The following ANGPT4 variants were observed in gnomAD, a reference collection of about 807,000 sequenced individuals.
The protein encoded by ANGPT4 is angiopoietin-4.
In ANGPT4, 50 loss-of-function variants were observed where a neutral mutation model predicts 53.0. The observed-to-expected ratio is 0.94, with a 90% CI of 0.75 to 1.20. ANGPT4 has a LOEUF of 1.20. Among genes scored for constraint, ANGPT4 ranks in the 50% most tolerant of loss-of-function variants. ANGPT4 has a pLI of 0.00. For missense variants in ANGPT4, 648 were observed against 637.1 expected, an observed-to-expected ratio of 1.02 and a Z score of -0.18; for synonymous variants, 251 against 259.7, an observed-to-expected ratio of 0.97 and a Z score of 0.32.
rs1158091372 is a variant in ANGPT4 at position 908,572 on chromosome 20, G to T, written c.309+7334C>A. Reference sequence around the variant, plus strand: ...GATCGTTGCACATGGGAAATCACTAGGTTAGTTACACCCACTGCTCCAGGG... The same window carrying T: ...GATCGTTGCACATGGGAAATCACTATGTTAGTTACACCCACTGCTCCAGGG... On this transcript the variant is annotated intron_variant, in intron 1 of 8. Transcript: ENST00000381922. This position sits in a 1 kb window ranked among gnomAD's most constrained non-coding sequence, Gnocchi z 4.9. Among the ~76,000 whole-genome samples the T allele has an allele frequency of 6.6e-6, 1 of 152,140 alleles. No homozygotes were observed. Among genetic ancestry groups the T allele is most frequent in the Non-Finnish European group, 1.5e-5 (1 of 68,016 alleles).
rs1422007146 is a variant in ANGPT4, at chr20:908,595, G to T, written c.309+7311C>A. On this transcript the variant is annotated intron_variant, in intron 1 of 8. Coordinates refer to ENST00000381922, the MANE Select transcript of ANGPT4 (RefSeq NM_015985.4). This position sits in a 1 kb window ranked among gnomAD's most constrained non-coding sequence, Gnocchi z 4.9. ...TAGGTTAGTTACACCCACTGCTCCA[G>T]GGGCAAGGGGGAAGGATGGTCTTCC... 1.3e-5 allele frequency among the ~76,000 whole-genome samples: 2 copies of T among 152,180 alleles called. No homozygotes were observed. The highest frequency in any genetic ancestry group is 2.9e-5 in the Non-Finnish European group (2 of 68,022).
chr20:892,502 A>G (rs970288509), intron 1 of ANGPT4, among the ~76,000 whole-genome samples: 1 of 151,828 alleles, frequency 6.6e-6, no homozygotes, highest in African/African-American at 2.4e-5. Context: ...AGACTGAGGC[A>G]GGAGGATCGC....
chr20:915,780 T>A, intron 1 of ANGPT4, 126 bp downstream of exon 1: 1 of 1,241,784 alleles, frequency 8.1e-7, no homozygotes, highest in Non-Finnish European at 1.1e-6. Flanking sequence ...CCCCTGCCCC[T>A]CTTTGTGCAG....
intron 4 of ANGPT4, 76 bp from the exon 5 acceptor site, chr20:881,362 T>C: frequency 7.5e-7 from 1 of 1,335,662 alleles, no homozygotes; most frequent in Non-Finnish European, 1.1e-6. Flanking sequence ...CATGCCTGCC[T>C]GCTTTGTGCC....
intron 4 of ANGPT4, among the ~76,000 whole-genome samples, chr20:882,212 G>A (rs1419584167): frequency 3.9e-5 from 6 of 152,162 alleles, no homozygotes; most frequent in African/African-American, 1.2e-4. Flanking sequence ...CCTACCAGGG[G>A]TTTCTAGGCC....
intron 1 of ANGPT4, among the ~76,000 whole-genome samples, chr20:915,179 G>A (rs1211312127): frequency 2.6e-5 from 4 of 151,976 alleles, no homozygotes; most frequent in Non-Finnish European, 4.4e-5. Flanking sequence ...CAACCTTGCA[G>A]TGGCTCCCAT....
chr20:897,614 G>A (rs554685266), intron 1 of ANGPT4, among the ~76,000 whole-genome samples: 8 of 152,306 alleles, frequency 5.3e-5, no homozygotes, highest in African/African-American at 1.4e-4. Context: ...TCACCGGGGG[G>A]ACACCTGCCT....
At chr20:883,129 C>G (rs765156577) in intron 4 of ANGPT4, among the ~76,000 whole-genome samples, 1 of 152,194 alleles carries the variant, frequency 6.6e-6, no homozygotes. Context: ...AATTGAGGCT[C>G]TGAGAAGTTA....
rs541285678 is a variant in ANGPT4 at position 874,404 on chromosome 20, C to T, written c.1231G>A (p.Val411Ile). Residue 411 changes from valine to isoleucine, a missense_variant, in exon 8 of 9, where the codon GTC becomes ATC. Coordinates refer to ENST00000381922, the MANE Select transcript of ANGPT4 (RefSeq NM_015985.4). ...SENQLYRLSV[V>I]GYSGSAGRQS... ...CGCCCTGCTGAGCCGCTGTACCCGA[C>T]CACAGAAAGCCTGGAGGCCACCCAG... The T allele has an allele frequency of 9.3e-6, 15 of 1,613,474 alleles. No individual in the cohort carries two copies. Among genetic ancestry groups the T allele is most frequent in the Non-Finnish European group, 1.3e-5 (15 of 1,180,012 alleles).
At chr20:884,995 A>G (rs1175549877) in intron 4 of ANGPT4, 83 bp downstream of exon 4, 5 of 1,561,722 alleles carry the variant, frequency 3.2e-6, no homozygotes, top group Non-Finnish European at 4.3e-6. Context: ...CCAGGCGCCC[A>G]GAGACCCTGG....
chr20:900,252 A>C (rs1982234741), intron 1 of ANGPT4, among the ~76,000 whole-genome samples: 1 of 152,164 alleles, frequency 6.6e-6, no homozygotes, highest in Non-Finnish European at 1.5e-5. Context: ...TGTAAATAAC[A>C]GTGAATGGTT....
In ANGPT4 at chr20:901,508, C is replaced by T. The variant is rs149398428; in HGVS notation, c.310-11140G>A. ...CATCTCCCTTTGCTGACTCCTTTTTCGGACTCAGTCCACCTGCACTCAGGT... is the reference window on the plus strand; with the variant it reads ...CATCTCCCTTTGCTGACTCCTTTTTTGGACTCAGTCCACCTGCACTCAGGT... On this transcript the variant is annotated intron_variant, in intron 1 of 8. Transcript: ENST00000381922. Among the ~76,000 whole-genome samples, 788 of 152,272 alleles carry T rather than the reference C, an allele frequency of 5.2e-3. 11 individuals are homozygous for T. Among genetic ancestry groups the T allele is most frequent in the African/African-American group, 0.017 (714 of 41,548 alleles).
chr20:885,468 GATT>G, intron 3 of ANGPT4, 143 bp from the exon 4 acceptor site: 1 of 1,240,286 alleles, frequency 8.1e-7, no homozygotes, highest in Non-Finnish European at 1.1e-6. Context: ...TGTAGGCACA[GATT>G]GAGGAGGGGA....
chr20:890,120 C>T, intron 2 of ANGPT4, 93 bp downstream of exon 2: 3 of 1,473,272 alleles, frequency 2.0e-6, no homozygotes, highest in Non-Finnish European at 2.8e-6. Flanking sequence ...CTTGACCCTA[C>T]TCAGGGTCAG....
At chr20:882,708 G>T (rs984579563) in intron 4 of ANGPT4, among the ~76,000 whole-genome samples, 1 of 152,212 alleles carries the variant, frequency 6.6e-6, no homozygotes, top group African/African-American at 2.4e-5. Flanking sequence ...ACCCAGTAAG[G>T]CAAGGACAGA....
intron 1 of ANGPT4, among the ~76,000 whole-genome samples, chr20:892,675 C>T (rs1380754343): frequency 6.6e-6 from 1 of 152,082 alleles, no homozygotes; most frequent in South Asian, 2.1e-4. Context: ...GTCTCTCCAT[C>T]CTGGGAGGTC....
rs114010322 is a variant in ANGPT4, at chr20:894,595, C to T, written c.310-4227G>A. 3.1e-3 allele frequency among the ~76,000 whole-genome samples: 469 copies of T among 152,202 alleles called. 4 individuals are homozygous for T. The highest frequency in any genetic ancestry group is 0.011 in the African/African-American group (450 of 41,518). ...TGGATGAGGACAAATATAGCTGTAT[C>T]GAGTTTGGTCTCAGACTTTTTCATG... On this transcript the variant is annotated intron_variant, in intron 1 of 8. Transcript: ENST00000381922.
At chr20:894,220 G>A (rs1368105075) in intron 1 of ANGPT4, among the ~76,000 whole-genome samples, 1 of 152,148 alleles carries the variant, frequency 6.6e-6, no homozygotes, top group Non-Finnish European at 1.5e-5. Context: ...TGTGAGCTAA[G>A]TTGCAAGCCC....
chr20:874,719 A>AT (rs59652524), intron 7 of ANGPT4, among the ~76,000 whole-genome samples: 2 of 152,066 alleles, frequency 1.3e-5, no homozygotes, highest in South Asian at 2.1e-4. Flanking sequence ...ATACATATAC[A>AT]TTTTTTTCTT....
Sources: allele counts gnomAD v4.1 joint callset (sites outside exome capture counted in the v4.1 genomes callset), GRCh38; gene constraint gnomAD v4.1.1; non-coding constraint Gnocchi (gnomAD v3.1); transcripts MANE v1.5; gene names NCBI Gene and HGNC (gene_info 2026-07-23, HGNC 2026-07-21).